The following RFX3 variants were observed in gnomAD, a reference collection of about 807,000 sequenced individuals.
The protein encoded by RFX3 is transcription factor RFX3.
RFX3 carries 14 observed loss-of-function variants against 98.6 expected under a neutral mutation model. The observed-to-expected ratio is 0.14, with a 90% CI of 0.09 to 0.22. The LOEUF (loss-of-function observed/expected upper bound fraction) is 0.22, where lower values mean the gene tolerates loss of function less well. Among genes scored for constraint, RFX3 ranks in the 10% least tolerant of loss-of-function variants. RFX3 has a pLI of 1.00. For missense variants in RFX3, 639 were observed against 926.9 expected (o/e 0.69, Z 4.03); for synonymous variants, 383 against 328.4 (o/e 1.17, Z -1.80).
intron 1 of RFX3, among the ~76,000 whole-genome samples, chr9:3,442,814 G>A (rs1165778604): frequency 6.6e-6 from 1 of 152,030 alleles, no homozygotes; most frequent in East Asian, 1.9e-4. Context: ...ACATATTTTT[G>A]GCATTTATTT....
Position 3,358,581 on chromosome 9 carries a change from G to A in RFX3, c.118-11817C>T, listed in dbSNP as rs574332667. Among the ~76,000 whole-genome samples the A allele has an allele frequency of 3.4e-4, 52 of 152,192 alleles. No individual in the cohort carries two copies. The South Asian group carries it at 5.4e-3, about 16-fold the overall frequency. On this transcript the variant is annotated intron_variant, in intron 2 of 16. Transcript: ENST00000617270. Reference sequence around the variant, plus strand: ...TCTTTACACTACCTACCAAGTTAACGAATTGACAAAGTGAATGGAAGACCA... The same window carrying A: ...TCTTTACACTACCTACCAAGTTAACAAATTGACAAAGTGAATGGAAGACCA...
intron 2 of RFX3, among the ~76,000 whole-genome samples, chr9:3,370,702 T>A (rs1460417611): frequency 6.6e-6 from 1 of 152,150 alleles, no homozygotes; most frequent in African/African-American, 2.4e-5. Flanking sequence ...AAATTATAGC[T>A]CACTAAAGAT....
At chr9:3,347,181 T>A (rs576388046) in intron 2 of RFX3, among the ~76,000 whole-genome samples, 1 of 152,086 alleles carries the variant, frequency 6.6e-6, no homozygotes, top group South Asian at 2.1e-4. Context: ...GTAAGCTGGG[T>A]GTGGCGGCAT....
At chr9:3,367,511 T>C (rs1837346938) in intron 2 of RFX3, among the ~76,000 whole-genome samples, 1 of 152,118 alleles carries the variant, frequency 6.6e-6, no homozygotes. Flanking sequence ...CCTCCAAAAA[T>C]TGTGAGATAA....
intron 2 of RFX3, among the ~76,000 whole-genome samples, chr9:3,366,425 C>T (rs1380396026): frequency 6.6e-6 from 1 of 152,094 alleles, no homozygotes; most frequent in Non-Finnish European, 1.5e-5. Context: ...TTAGAGTACT[C>T]CATAGTATAG....
chr9:3,421,744 G>C (rs1843458852), intron 1 of RFX3, among the ~76,000 whole-genome samples: 1 of 152,186 alleles, frequency 6.6e-6, no homozygotes, highest in Non-Finnish European at 1.5e-5. Context: ...CATATGGAAA[G>C]TAAGCCCTCA....
At chr9:3,509,844 T>G (rs1031350875) in intron 1 of RFX3, among the ~76,000 whole-genome samples, 2 of 151,576 alleles carry the variant, frequency 1.3e-5, no homozygotes, top group African/African-American at 2.4e-5. Flanking sequence ...TGCGGAGGAG[T>G]GTGGAGGCTG....
At chr9:3,342,767 C>G (rs1346637179) in intron 3 of RFX3, among the ~76,000 whole-genome samples, 2 of 151,874 alleles carry the variant, frequency 1.3e-5, no homozygotes, top group Admixed American at 6.6e-5. Context: ...TCATAGTATT[C>G]TAATTGATTA....
chr9:3,259,689 C>T (rs1170656000), intron 13 of RFX3, among the ~76,000 whole-genome samples: 5 of 151,450 alleles, frequency 3.3e-5, no homozygotes, highest in East Asian at 1.9e-4. Flanking sequence ...ATTATGCCAT[C>T]GTAATACTAT....
At chr9:3,281,938 C>T (rs369187618) in intron 7 of RFX3, among the ~76,000 whole-genome samples, 4 of 151,868 alleles carry the variant, frequency 2.6e-5, no homozygotes, top group African/African-American at 9.6e-5. Flanking sequence ...TTAAATGAAA[C>T]ATTTGGAAAA....
At chr9:3,436,143 G>A (rs1352056955) in intron 1 of RFX3, among the ~76,000 whole-genome samples, 2 of 151,996 alleles carry the variant, frequency 1.3e-5, no homozygotes, top group East Asian at 3.9e-4. Flanking sequence ...TAAAAGATGG[G>A]AAGAGTATTA....
intron 4 of RFX3, among the ~76,000 whole-genome samples, chr9:3,309,275 A>C (rs763858680): frequency 1.7e-4 from 26 of 152,128 alleles, no homozygotes; most frequent in Non-Finnish European, 3.2e-4. Context: ...GGGAGAAAAA[A>C]CACAAAGATT....
chr9:3,334,734 T>C (rs1832968374), intron 3 of RFX3, among the ~76,000 whole-genome samples: 2 of 152,126 alleles, frequency 1.3e-5, no homozygotes, highest in Non-Finnish European at 2.9e-5. Context: ...GTGTGATAAA[T>C]TGTCTGAATT....
At chr9:3,384,753 G>A (rs1475941375) in intron 2 of RFX3, among the ~76,000 whole-genome samples, 1 of 152,096 alleles carries the variant, frequency 6.6e-6, no homozygotes, top group Non-Finnish European at 1.5e-5. Context: ...CAAGACACCT[G>A]TCCAGGTGCC....
At chr9:3,396,759 T>C (rs552986740) in intron 1 of RFX3, among the ~76,000 whole-genome samples, 1 of 152,194 alleles carries the variant, frequency 6.6e-6, no homozygotes, top group Non-Finnish European at 1.5e-5. Flanking sequence ...GGTATCTCAT[T>C]GTGGTTTTGA....
intron 6 of RFX3, among the ~76,000 whole-genome samples, chr9:3,291,355 G>T (rs1270770763): frequency 1.3e-5 from 2 of 151,864 alleles, no homozygotes; most frequent in African/African-American, 4.8e-5. Context: ...CTGGGCAACA[G>T]AGCGAGAATC....
At chr9:3,332,600 T>C (rs570279093) in intron 3 of RFX3, among the ~76,000 whole-genome samples, 1 of 152,302 alleles carries the variant, frequency 6.6e-6, no homozygotes, top group Admixed American at 6.5e-5. Flanking sequence ...AACGCAGATA[T>C]AAAAATAAAA....
chr9:3,502,044 G>A (rs951675928), intron 1 of RFX3, among the ~76,000 whole-genome samples: 1 of 151,290 alleles, frequency 6.6e-6, no homozygotes, highest in Admixed American at 6.6e-5. Context: ...GAGGTCAGGA[G>A]ATCGAGACCA....
intron 14 of RFX3, among the ~76,000 whole-genome samples, chr9:3,253,584 G>A (rs965582461): frequency 6.6e-6 from 1 of 151,912 alleles, no homozygotes; most frequent in Non-Finnish European, 1.5e-5. Flanking sequence ...ACCACAATTA[G>A]TCACTGACAG....
Sources: gnomAD v4.1 joint callset for allele counts (sites outside exome capture counted in the v4.1 genomes callset) on GRCh38, gnomAD v4.1.1 for gene constraint, MANE v1.5 for transcripts, NCBI Gene and HGNC (gene_info 2026-07-23, HGNC 2026-07-21) for gene names.